The following F8 variants were observed in gnomAD, a reference collection of about 807,000 sequenced individuals.
F8 encodes the protein coagulation factor VIII.
F8 carries 12 observed loss-of-function variants against 140.6 expected under a neutral mutation model. The observed-to-expected ratio is 0.09, with a 90% CI of 0.05 to 0.14. The LOEUF (loss-of-function observed/expected upper bound fraction) is 0.14. Ranked by LOEUF, F8 falls within the 10% of genes least tolerant of loss-of-function variation. F8 has a pLI of 1.00. For missense variants in F8, 1,354 were observed against 1,720.7 expected (o/e 0.79, Z 3.77); for synonymous variants, 585 against 614.6 (o/e 0.95, Z 0.71).
In F8 at chrX:154,966,025, T is replaced by C. The variant is rs2073421365; in HGVS notation, c.1388A>G (p.His463Arg). 1 of 1,209,805 alleles carries C rather than the reference T, an allele frequency of 8.3e-7. No homozygotes were observed. Among genetic ancestry groups the C allele is most frequent in the Non-Finnish European group, 1.1e-6 (1 of 894,949 alleles). ...TAAAGGTCCCAAGATTCCTGATTCA[T>C]GCTGAATAGCTTCACGAGTCTTAAA... ...ETFKTREAIQ[H>R]ESGILGPLLY... Residue 463 changes from histidine to arginine, a missense_variant, in exon 9 of 26, where the codon CAT becomes CGT. Transcript: ENST00000360256.
intron 13 of F8, among the ~76,000 whole-genome samples, chrX:154,933,293 G>A (rs977589310): frequency 2.7e-5 from 3 of 111,625 alleles, no homozygotes; most frequent in Non-Finnish European, 5.7e-5. Flanking sequence ...CAAAGAAAAT[G>A]AAAATAATTG....
chrX:154,929,358 C>T lies in F8; in HGVS notation c.4432G>A (p.Val1478Ile). 4 of 1,211,860 alleles carry T rather than the reference C, an allele frequency of 3.3e-6. No homozygotes were observed. Among genetic ancestry groups the T allele is most frequent in the Non-Finnish European group, 4.5e-6 (4 of 895,464 alleles). Residue 1478 changes from valine (V) to isoleucine (I), a missense_variant, in exon 14 of 26, where the codon GTT (valine) becomes ATT (isoleucine). Transcript: ENST00000360256. ...GTGGCACTTGTCCCCAGGGAGCCAA[C>T]CTCTCTTTGATCACCAGTCATCTCC... ...TLEMTGDQRE[V>I]GSLGTSATNS... is the part of the protein sequence containing the mutation.
intron 22 of F8, among the ~76,000 whole-genome samples, chrX:154,864,698 G>A (rs781970038): frequency 2.7e-5 from 3 of 111,944 alleles, no homozygotes; most frequent in African/African-American, 9.7e-5. Context: ...AAGAATGACT[G>A]AACTAAAAAA....
intron 22 of F8, among the ~76,000 whole-genome samples, chrX:154,865,648 C>T (rs1261110106): frequency 1.8e-5 from 2 of 109,213 alleles, no homozygotes; most frequent in African/African-American, 6.7e-5. Flanking sequence ...AAACAGACTG[C>T]CATAACTATA....
At chrX:154,964,960 T>C (rs1173027603) in intron 9 of F8, among the ~76,000 whole-genome samples, 2 of 112,021 alleles carry the variant, frequency 1.8e-5, no homozygotes, top group Non-Finnish European at 3.8e-5. Context: ...TCAATATCCA[T>C]AATCTATAAA....
intron 16 of F8, 55 bp downstream of exon 16, chrX:154,904,756 C>T (rs1375237721): frequency 9.3e-7 from 1 of 1,073,128 alleles, no homozygotes; most frequent in African/African-American, 1.8e-5. Context: ...TCTTAGTACA[C>T]AAAGACCATT....
At chrX:155,008,263 T>C (rs2073686647) in intron 1 of F8, among the ~76,000 whole-genome samples, 1 of 110,883 alleles carries the variant, frequency 9.0e-6, no homozygotes, top group Non-Finnish European at 1.9e-5. Context: ...AATCAAAGAG[T>C]GGCAGCAAAA....
chrX:155,000,905 C>T (rs2073642824), intron 1 of F8, among the ~76,000 whole-genome samples: 1 of 111,334 alleles, frequency 9.0e-6, no homozygotes, highest in Non-Finnish European at 1.9e-5. Context: ...GAGACACTCC[C>T]TCCATTGTCA....
chrX:155,007,950 G>A (rs2073684999), intron 1 of F8, among the ~76,000 whole-genome samples: 1 of 111,417 alleles, frequency 9.0e-6, no homozygotes, highest in Admixed American at 9.4e-5. Flanking sequence ...GGACTTCATT[G>A]TGATACCTAA....
At chrX:154,961,043 A>G in intron 10 of F8, 32 bp downstream of exon 10, 1 of 963,781 alleles carries the variant, frequency 1.0e-6, no homozygotes, top group Non-Finnish European at 1.5e-6. Context: ...ATCTACAGGT[A>G]AAAAAGAGCT....
intron 6 of F8, among the ~76,000 whole-genome samples, chrX:154,976,377 T>TA (rs1241619617): frequency 3.6e-5 from 4 of 110,989 alleles, no homozygotes; most frequent in South Asian, 3.8e-4. Flanking sequence ...GATCTTTTTT[T>TA]AAAAAAAAAT....
At position 154,903,970 on chromosome X, in the gene F8, A is replaced by G. The variant is rs2073023345; in HGVS notation, c.5934T>C (p.Ser1978=). 1 of 1,208,630 alleles carries G rather than the reference A, an allele frequency of 8.3e-7. No homozygotes were observed. The highest frequency in any genetic ancestry group is 1.8e-5 in the African/African-American group (1 of 57,050). The change falls in exon 18 of 26, where the codon AGT becomes AGC. Residue 1978 remains serine, a synonymous_variant. Transcript: ENST00000360256. The part of the protein sequence containing the change: ...SNENIHSIHF[S]GHVFTVRKKE... ...TTTTTCGTACAGTGAACACATGTCC[A>G]CTGAAATGAATAGAATGGATGTTTT...
chrX:154,958,446 C>T (rs1169879601), intron 10 of F8, among the ~76,000 whole-genome samples: 1 of 111,711 alleles, frequency 9.0e-6, no homozygotes, highest in Non-Finnish European at 1.9e-5. Context: ...GGCATTACAG[C>T]CTTCAAAATT....
intron 13 of F8, among the ~76,000 whole-genome samples, chrX:154,938,923 CAAT>C (rs1325665363): frequency 9.1e-6 from 1 of 109,304 alleles, no homozygotes; most frequent in Non-Finnish European, 1.9e-5. Context: ...TTATATAAAA[CAAT>C]AATAATGTCT....
intron 6 of F8, among the ~76,000 whole-genome samples, chrX:154,972,208 T>C (rs1241486667): frequency 2.7e-5 from 3 of 112,198 alleles, no homozygotes; most frequent in African/African-American, 9.7e-5. Flanking sequence ...TTTTTTATAA[T>C]AGTCATTCTA....
Position 154,866,879 on chromosome X carries a change from A to T in F8, c.6430-3652T>A, listed in dbSNP as rs182852299. ...AGCAGAAATAAATAAAAAAGAGAAT[A>T]AAAAAACAATTGGAAATAACTGACA... On this transcript the variant is annotated intron_variant, in intron 22 of 25. Coordinates refer to ENST00000360256, the MANE Select transcript of F8 (RefSeq NM_000132.4). Among the ~76,000 whole-genome samples the T allele has an allele frequency of 5.7e-5, 6 of 105,925 alleles. No homozygotes were observed. In the East Asian group the frequency reaches 1.5e-3, roughly 26 times the overall value. 92.0% of individuals were successfully genotyped at this position (105,925 alleles called of 115,157 possible).
At chrX:154,855,013 G>A (rs1477297504) in intron 25 of F8, among the ~76,000 whole-genome samples, 2 of 111,065 alleles carry the variant, frequency 1.8e-5, no homozygotes, top group Non-Finnish European at 3.8e-5. Context: ...CCAACTACTC[G>A]GGAGGCTGAG....
chrX:154,855,832 C>T (rs1333268390), intron 25 of F8, among the ~76,000 whole-genome samples: 1 of 110,987 alleles, frequency 9.0e-6, no homozygotes, highest in Non-Finnish European at 1.9e-5. Flanking sequence ...TGAAGGTGAC[C>T]CATGACAAGG....
chrX:154,977,298 T>C (rs1381141018), intron 6 of F8: 15 of 111,943 alleles, frequency 1.3e-4, no homozygotes, highest in Admixed American at 4.7e-4. Context: ...ATATAAGTGA[T>C]TTATGTTCTA....
Sources: allele counts gnomAD v4.1 joint callset (sites outside exome capture counted in the v4.1 genomes callset), GRCh38; gene constraint gnomAD v4.1.1; transcripts MANE v1.5; gene names NCBI Gene and HGNC (gene_info 2026-07-23, HGNC 2026-07-21).